The following SCARA5 variants were observed in gnomAD, a reference collection of about 807,000 sequenced individuals.
SCARA5 encodes scavenger receptor class A, member 5 (putative).
SCARA5 carries 45 observed loss-of-function variants against 46.3 expected under a neutral mutation model. The ratio of observed to expected loss-of-function variants is 0.97; its 90% CI spans 0.76 to 1.24. SCARA5 has a LOEUF of 1.24. Among genes scored for constraint, SCARA5 ranks in the 50% most tolerant of loss-of-function variants. The pLI, the probability that SCARA5 is intolerant of heterozygous loss-of-function variation, is 0.00. For synonymous variants in SCARA5, 333 were observed against 306.5 expected, an observed-to-expected ratio of 1.09 and a Z score of -0.90; for missense variants, 680 against 689.0, an observed-to-expected ratio of 0.99 and a Z score of 0.15.
At chr8:27,911,750 G>T (rs1040419005) in intron 4 of SCARA5, among the ~76,000 whole-genome samples, 1 of 152,176 alleles carries the variant, frequency 6.6e-6, no homozygotes, top group African/African-American at 2.4e-5. Flanking sequence ...GGCCTTTATA[G>T]TGTCCCTACC....
chr8:27,955,795 A>G (rs1808198340), intron 3 of SCARA5, among the ~76,000 whole-genome samples: 1 of 152,110 alleles, frequency 6.6e-6, no homozygotes, highest in Non-Finnish European at 1.5e-5. Flanking sequence ...GGGCTCCTGT[A>G]TTTTTATTGG....
chr8:27,983,819 G>A (rs190335675), intron 2 of SCARA5, among the ~76,000 whole-genome samples: 1 of 152,176 alleles, frequency 6.6e-6, no homozygotes, highest in African/African-American at 2.4e-5. Context: ...CACCAGGGAA[G>A]GCTGCATCTT....
chr8:27,885,810 G>A (rs568777246), intron 7 of SCARA5, among the ~76,000 whole-genome samples: 1 of 152,370 alleles, frequency 6.6e-6, no homozygotes, highest in South Asian at 2.1e-4. Flanking sequence ...GATGATCATG[G>A]TGGGTGCAAT....
chr8:27,913,810 G>A (rs865795386), intron 4 of SCARA5, among the ~76,000 whole-genome samples: 12 of 152,194 alleles, frequency 7.9e-5, no homozygotes, highest in African/African-American at 1.2e-4. Context: ...GATCACTCAC[G>A]ATCTGACCCC....
At chr8:27,876,903 T>C (rs1041525826) in intron 8 of SCARA5, among the ~76,000 whole-genome samples, 2 of 152,056 alleles carry the variant, frequency 1.3e-5, no homozygotes, top group African/African-American at 4.8e-5. Flanking sequence ...GGAGTGGGGT[T>C]GGGGCACCAG....
chr8:27,881,786 T>C (rs1256532957), intron 7 of SCARA5, among the ~76,000 whole-genome samples: 1 of 148,240 alleles, frequency 6.7e-6, no homozygotes, highest in East Asian at 2.0e-4. Flanking sequence ...ACAACACCCC[T>C]CCCTCTACAC....
chr8:27,957,299 G>A lies in SCARA5; in HGVS notation c.241+9115C>T, dbSNP rs116600370. On this transcript the variant is annotated intron_variant, in intron 3 of 8. Coordinates refer to ENST00000354914, the MANE Select transcript of SCARA5 (RefSeq NM_173833.6). Reference sequence around the variant, plus strand: ...TCTTGATATTCGAAGCTGAATTACTGTGCAGTCTGTGGCACTTACACCCGG... The same window carrying A: ...TCTTGATATTCGAAGCTGAATTACTATGCAGTCTGTGGCACTTACACCCGG... Among the ~76,000 whole-genome samples, 664 of 152,314 alleles carry A rather than the reference G, an allele frequency of 4.4e-3. 6 individuals carry two copies. The highest frequency in any genetic ancestry group is 0.015 in the African/African-American group (632 of 41,572).
intron 7 of SCARA5, among the ~76,000 whole-genome samples, chr8:27,898,246 A>G: frequency 1.0e-5 from 1 of 95,468 alleles, no homozygotes; most frequent in Non-Finnish European, 3.0e-5. Context: ...TTTTCTGCAC[A>G]CAGCAGTGTA....
At chr8:27,875,543 G>C (rs950947630) in intron 8 of SCARA5, among the ~76,000 whole-genome samples, 2 of 152,136 alleles carry the variant, frequency 1.3e-5, no homozygotes, top group African/African-American at 4.8e-5. Flanking sequence ...AAGAGGGAGG[G>C]AAAAGCCTTC....
chr8:27,873,883 C>T (rs2129652942), intron 8 of SCARA5, among the ~76,000 whole-genome samples: 1 of 152,212 alleles, frequency 6.6e-6, no homozygotes, highest in Non-Finnish European at 1.5e-5. Flanking sequence ...TACCCCGTCT[C>T]TACCAAAAAC....
rs1386014751 is a variant in SCARA5, at chr8:27,934,429, C to CA, written c.242-12185dup. On this transcript the variant is annotated intron_variant, in intron 3 of 8. Coordinates refer to ENST00000354914, the MANE Select transcript of SCARA5 (RefSeq NM_173833.6). The stretch of plus-strand genomic sequence containing the variant: ...GAACTTATAAAACTCAGAGTGTTCT[C>CA]ACAACTTCTGATAAGCTGTGGTGTC... Among the ~76,000 whole-genome samples, 4 of 152,190 alleles carry CA rather than the reference C, an allele frequency of 2.6e-5. No individual in the cohort carries two copies. In the East Asian group the frequency reaches 7.7e-4, roughly 29 times the overall value.
rs77465818 is a variant in SCARA5 at position 27,966,251 on chromosome 8, C to A, written c.241+163G>T. 4.4e-3 allele frequency among the ~76,000 whole-genome samples: 663 copies of A among 152,342 alleles called. 4 individuals are homozygous for A. The highest frequency in any genetic ancestry group is 0.015 in the African/African-American group (618 of 41,572). On this transcript the variant is annotated intron_variant, in intron 3 of 8. Coordinates refer to ENST00000354914, the MANE Select transcript of SCARA5 (RefSeq NM_173833.6). ...ACATAGCCCCTGCCAGCTACTCCCA[C>A]GCAAAACAAGCAATACTACTGAAGA... is the stretch of plus-strand genomic sequence containing the variant.
intron 7 of SCARA5, among the ~76,000 whole-genome samples, chr8:27,898,818 G>A (rs922904716): frequency 6.6e-6 from 1 of 152,168 alleles, no homozygotes; most frequent in East Asian, 1.9e-4. Flanking sequence ...ACAATGGCCA[G>A]TGATTTAATC....
Position 27,872,142 on chromosome 8 carries a change from G to T in SCARA5, c.1352-72C>A. The T allele has an allele frequency of 5.2e-6, 8 of 1,547,262 alleles. No homozygotes were observed. The South Asian group carries it at 9.0e-5, about 17-fold the overall frequency. On this transcript the variant is annotated intron_variant, in intron 8 of 8. Transcript: ENST00000354914. ...GAGAAGGAGAAGAGAGAGCATAACTGTGCCTGCCCTTGACTTGGCTCTGCT... is the reference window on the plus strand; with the variant it reads ...GAGAAGGAGAAGAGAGAGCATAACTTTGCCTGCCCTTGACTTGGCTCTGCT...
chr8:27,925,510 T>C (rs1192129064), intron 3 of SCARA5, among the ~76,000 whole-genome samples: 1 of 152,218 alleles, frequency 6.6e-6, no homozygotes, highest in Non-Finnish European at 1.5e-5. Context: ...AAGACTTAAA[T>C]GTTACCTAAA....
At chr8:27,935,370 CA>C (rs1158522910) in intron 3 of SCARA5, among the ~76,000 whole-genome samples, 2 of 152,086 alleles carry the variant, frequency 1.3e-5, no homozygotes, top group East Asian at 1.9e-4. Context: ...AAATGGCCAA[CA>C]GGGGGGTTAG....
At chr8:27,921,421 C>T in intron 4 of SCARA5, 150 bp downstream of exon 4, 1 of 649,768 alleles carries the variant, frequency 1.5e-6, no homozygotes. Flanking sequence ...TCCTGTAGGG[C>T]AAGACTTAGA....
rs1174436214 is a variant in SCARA5, at chr8:27,921,976, G to A, written c.511C>T (p.Arg171Trp). 38 of 1,542,848 alleles carry A rather than the reference G, an allele frequency of 2.5e-5. No individual in the cohort carries two copies. The highest frequency in any genetic ancestry group is 3.2e-5 in the Non-Finnish European group (37 of 1,152,840). ...TCGCTCTGCTGGCCCGTGCGGTCCC[G>A]CAGCAGGGCCACCGCCTGCTCGGTC... is the stretch of plus-strand genomic sequence containing the variant. The part of the protein sequence containing the change: ...VQTEQAVALL[R>W]DRTGQQSDTA... Residue 171 changes from arginine to tryptophan, a missense_variant, in exon 4 of 9, where the codon CGG becomes TGG. Transcript: ENST00000354914.
chr8:27,875,568 G>A (rs1279672140), intron 8 of SCARA5, among the ~76,000 whole-genome samples: 2 of 152,152 alleles, frequency 1.3e-5, no homozygotes, highest in Non-Finnish European at 2.9e-5. Context: ...AGGAGGAGCA[G>A]CACAGGAGAA....
Sources: gnomAD v4.1 joint callset for allele counts (sites outside exome capture counted in the v4.1 genomes callset) on GRCh38, gnomAD v4.1.1 for gene constraint, MANE v1.5 for transcripts, NCBI Gene and HGNC (gene_info 2026-07-23, HGNC 2026-07-21) for gene names.